TULP4: variants seen among roughly 807,000 people sequenced by gnomAD.
The protein encoded by TULP4 is TUB like protein 4.
In TULP4, 16 loss-of-function variants were observed where a neutral mutation model predicts 129.0. That is an observed-to-expected ratio of 0.12 (90% CI 0.08 to 0.19). The LOEUF is 0.19. Among genes scored for constraint, TULP4 ranks in the 10% least tolerant of loss-of-function variants. TULP4 has a pLI of 1.00. For missense variants in TULP4, 1,842 were observed against 2,059.1 expected (o/e 0.89, Z 2.04); for synonymous variants, 998 against 854.0 (o/e 1.17, Z -2.94).
At chr6:158,442,184 A>G (rs1019638724) in intron 3 of TULP4, among the ~76,000 whole-genome samples, 1 of 152,098 alleles carries the variant, frequency 6.6e-6, no homozygotes, top group African/African-American at 2.4e-5. Context: ...ACTATTCCCC[A>G]GCTGCCACTG....
At chr6:158,504,604 C>T (rs1418340662) in intron 13 of TULP4, among the ~76,000 whole-genome samples, 1 of 151,702 alleles carries the variant, frequency 6.6e-6, no homozygotes, top group Non-Finnish European at 1.5e-5. Context: ...GATCTGCCCG[C>T]CTTGGCCTCT....
chr6:158,430,481 G>A (rs963893327), intron 3 of TULP4, among the ~76,000 whole-genome samples: 1 of 152,148 alleles, frequency 6.6e-6, no homozygotes, highest in Admixed American at 6.5e-5. Context: ...GGTGGCTCAC[G>A]CCTGTAATCC....
In TULP4 at chr6:158,313,683, C is replaced by G. The variant is rs1036787263; in HGVS notation, c.-334C>G. ...TGGAGTAAAAAGAAGAAAACCGTTTCTTGATCACCACTTAATTAACGATGC... is the reference window on the plus strand; with the variant it reads ...TGGAGTAAAAAGAAGAAAACCGTTTGTTGATCACCACTTAATTAACGATGC... On this transcript the variant is annotated 5_prime_UTR_variant, in exon 1 of 14. Coordinates refer to ENST00000367097, the MANE Select transcript of TULP4 (RefSeq NM_020245.5). 2.7e-5 allele frequency: 12 copies of G among 447,560 alleles called. No homozygotes were observed. Among genetic ancestry groups the G allele is most frequent in the Non-Finnish European group, 4.3e-5 (11 of 256,214 alleles). The allele number at this position is 447,560 out of a possible 1,614,324, so 27.7% of individuals were successfully genotyped here.
chr6:158,318,946 G>A (rs1333152062), intron 1 of TULP4, among the ~76,000 whole-genome samples: 1 of 143,584 alleles, frequency 7.0e-6, no homozygotes, highest in African/African-American at 2.7e-5. Context: ...GGGTTTTGCT[G>A]TGTTGCCCAG....
intron 1 of TULP4, 117 bp from the exon 2 acceptor site, chr6:158,412,948 C>T (rs1778129563): frequency 7.9e-6 from 11 of 1,395,312 alleles, no homozygotes; most frequent in Non-Finnish European, 1.0e-5. Flanking sequence ...CATTCGCCCC[C>T]AGTCTTCTCC....
intron 1 of TULP4, among the ~76,000 whole-genome samples, chr6:158,235,532 G>T (rs549641550): frequency 1.4e-4 from 21 of 152,266 alleles, no homozygotes; most frequent in Admixed American, 1.0e-3. Flanking sequence ...GTTGTTTCTA[G>T]AGACAAGGTC....
At chr6:158,322,798 A>G (rs1327239859) in intron 1 of TULP4, among the ~76,000 whole-genome samples, 2 of 152,174 alleles carry the variant, frequency 1.3e-5, no homozygotes, top group Admixed American at 6.5e-5. Flanking sequence ...CATGGAATCT[A>G]CAGTCTAGCA....
At chr6:158,334,763 G>A (rs559212348) in intron 1 of TULP4, among the ~76,000 whole-genome samples, 2 of 152,330 alleles carry the variant, frequency 1.3e-5, no homozygotes, top group Admixed American at 6.5e-5. Context: ...TAGAGGTGAG[G>A]CCTTAAAGAG....
chr6:158,401,808 CT>C (rs555418286), intron 1 of TULP4, among the ~76,000 whole-genome samples: 116 of 147,054 alleles, frequency 7.9e-4, no homozygotes, highest in South Asian at 3.9e-3. Flanking sequence ...CACCTCCTCA[CT>C]TTTTTTTTTT....
At chr6:158,405,281 G>C (rs1246021515) in intron 1 of TULP4, among the ~76,000 whole-genome samples, 1 of 152,214 alleles carries the variant, frequency 6.6e-6, no homozygotes, top group Non-Finnish European at 1.5e-5. Flanking sequence ...CACACCTGTT[G>C]GGGTGATCAG....
At chr6:158,244,216 C>T (rs769928920) in intron 1 of TULP4, among the ~76,000 whole-genome samples, 10 of 152,044 alleles carry the variant, frequency 6.6e-5, no homozygotes, top group Non-Finnish European at 1.2e-4. Flanking sequence ...AGCTTCCTTG[C>T]TTTACGATAT....
At chr6:158,467,498 G>C (rs895129769) in intron 6 of TULP4, among the ~76,000 whole-genome samples, 2 of 151,904 alleles carry the variant, frequency 1.3e-5, no homozygotes, top group Non-Finnish European at 2.9e-5. Flanking sequence ...GGCCAGGCTG[G>C]TCTTGAACTC....
intron 8 of TULP4, among the ~76,000 whole-genome samples, chr6:158,483,612 C>A (rs1779997860): frequency 6.6e-6 from 1 of 152,116 alleles, no homozygotes; most frequent in Non-Finnish European, 1.5e-5. Flanking sequence ...CATGCCTGTC[C>A]CCAAATTTCT....
Position 158,355,283 on chromosome 6 carries a change from G to A in TULP4, c.252+41015G>A, listed in dbSNP as rs1780620018. Reference sequence around the variant, plus strand: ...ATTATTTTGTAGAGGTGGGGGTCTTGTTCTATTACCCAAGCTGGTCTTGAA... The same window carrying A: ...ATTATTTTGTAGAGGTGGGGGTCTTATTCTATTACCCAAGCTGGTCTTGAA... On this transcript the variant is annotated intron_variant, in intron 1 of 13. Transcript: ENST00000367097. Among the ~76,000 whole-genome samples the A allele has an allele frequency of 3.3e-5, 5 of 152,086 alleles. No homozygotes were observed. In the South Asian group the frequency reaches 1.0e-3, roughly 32 times the overall value.
At chr6:158,336,669 C>A (rs1489023566) in intron 1 of TULP4, among the ~76,000 whole-genome samples, 1 of 152,132 alleles carries the variant, frequency 6.6e-6, no homozygotes, top group Non-Finnish European at 1.5e-5. Flanking sequence ...ACTTTGAGAC[C>A]TGCCAGGCAA....
At chr6:158,483,973 C>T (rs1326585495) in intron 8 of TULP4, among the ~76,000 whole-genome samples, 1 of 150,718 alleles carries the variant, frequency 6.6e-6, no homozygotes, top group Non-Finnish European at 1.5e-5. Context: ...GGCTGGAGTG[C>T]AGTAGTACAA....
In TULP4 at chr6:158,452,280, T is replaced by G. The variant is rs1274998862; in HGVS notation, c.859+12T>G. ...CTCAGGGCTGAAAGGTACAGAATGC[T>G]GCACACACCCCAAACCTGCAGACCG... On this transcript the variant is annotated intron_variant, in intron 5 of 13. Coordinates refer to ENST00000367097, the MANE Select transcript of TULP4 (RefSeq NM_020245.5). 6.2e-7 allele frequency: 1 copy of G among 1,613,486 alleles called. No homozygotes were observed. The highest frequency in any genetic ancestry group is 8.5e-7 in the Non-Finnish European group (1 of 1,179,766).
chr6:158,242,438 T>A, intron 1 of TULP4: 1 of 1,061,040 alleles, frequency 9.4e-7, no homozygotes, highest in Non-Finnish European at 1.5e-6. Flanking sequence ...TTTATGCCAC[T>A]AAGCATTCAT....
In TULP4 at chr6:158,506,644, G is replaced by C; in HGVS notation, c.4582G>C (p.Val1528Leu). 6.2e-7 allele frequency: 1 copy of C among 1,614,068 alleles called. No individual in the cohort carries two copies. The highest frequency in any genetic ancestry group is 8.5e-7 in the Non-Finnish European group (1 of 1,179,950). The change falls in exon 14 of 14, where the codon GTG (valine) becomes CTG (leucine). Residue 1528 changes from valine to leucine, a missense_variant. Val to Leu is a conservative substitution (Grantham distance 32, BLOSUM62 1). Around this residue, in one of 5 missense-constraint regions of TULP4, gnomAD observed 47 missense variants for 104.0 expected, o/e 0.45. Coordinates refer to ENST00000367097, the MANE Select transcript of TULP4 (RefSeq NM_020245.5). ...AGACTTCCAGTATCCGTTCTCAGCCGTGCAGGCCTTTGCAGTTGCCCTGGC... is the reference window on the plus strand; with the variant it reads ...AGACTTCCAGTATCCGTTCTCAGCCCTGCAGGCCTTTGCAGTTGCCCTGGC... ...ILDFQYPFSA[V>L]QAFAVALANV...
Sources: allele counts gnomAD v4.1 joint callset (sites outside exome capture counted in the v4.1 genomes callset), GRCh38; gene constraint gnomAD v4.1.1; regional missense constraint gnomAD v4.1.1; transcripts MANE v1.5; gene names NCBI Gene and HGNC (gene_info 2026-07-23, HGNC 2026-07-21).